SULT6B1: variants seen among roughly 807,000 people sequenced by gnomAD.
SULT6B1 encodes sulfotransferase family 6B member 1.
A neutral mutation model predicts 37.2 loss-of-function variants in SULT6B1; 44 were observed. The observed-to-expected ratio is 1.18, with a 90% CI of 0.93 to 1.52. SULT6B1 has a LOEUF of 1.52. SULT6B1 is among the 40% of genes most tolerant of loss of function. SULT6B1 has a pLI of 0.00. For synonymous variants in SULT6B1, 140 were observed against 126.0 expected (o/e 1.11, Z -0.74); for missense variants, 450 against 361.0 (o/e 1.25, Z -2.00).
chr2:37,191,589 G>T (rs576089695), upstream of SULT6B1, among the ~76,000 whole-genome samples: 17 of 152,334 alleles, frequency 1.1e-4, no homozygotes, highest in African/African-American at 3.8e-4. Flanking sequence ...CATTCAAGAA[G>T]AATGAGGTTA....
chr2:37,177,411 C>CAAAAAAAAAAAAAAAAAAAAAA (rs57205863), intron 4 of SULT6B1, among the ~76,000 whole-genome samples: 5 of 76,286 alleles, frequency 6.6e-5, no homozygotes, highest in Admixed American at 1.8e-4. Flanking sequence ...AATCTTGTCT[C>CAAAAAAAAAAAAAAAAAAAAAA]AAAAAAAAAA....
chr2:37,179,656 ATAT>A, intron 3 of SULT6B1, 72 bp from the exon 4 acceptor site: 1 of 1,347,160 alleles, frequency 7.4e-7, no homozygotes, highest in South Asian at 1.2e-5. Flanking sequence ...AGGGTGAGCA[ATAT>A]CATCATGTCC....
chr2:37,186,003 C>T (rs1676666069), intron 2 of SULT6B1, among the ~76,000 whole-genome samples: 1 of 152,130 alleles, frequency 6.6e-6, no homozygotes, highest in Admixed American at 6.5e-5. Context: ...AAATCCAGGG[C>T]TCGGCACTTA....
intron 1 of SULT6B1, among the ~76,000 whole-genome samples, chr2:37,195,582 T>C (rs922323101): frequency 2.0e-5 from 3 of 152,202 alleles, no homozygotes; most frequent in Non-Finnish European, 2.9e-5. Context: ...GCCCTTATCA[T>C]TGTGTACTTT....
intron 5 of SULT6B1, among the ~76,000 whole-genome samples, chr2:37,172,066 T>A (rs1346739532): frequency 1.5e-5 from 2 of 137,740 alleles, no homozygotes; most frequent in Non-Finnish European, 3.1e-5. Context: ...TTTTTTTTTT[T>A]AGACAGGGTC....
chr2:37,171,811 G>A (rs886535760), intron 5 of SULT6B1, among the ~76,000 whole-genome samples: 7 of 151,854 alleles, frequency 4.6e-5, no homozygotes, highest in Admixed American at 2.0e-4. Context: ...TATGACTCTT[G>A]TTGAACTTAC....
intron 6 of SULT6B1, among the ~76,000 whole-genome samples, chr2:37,170,244 A>T (rs1048563920): frequency 2.0e-5 from 3 of 149,254 alleles, no homozygotes; most frequent in Non-Finnish European, 3.0e-5. Flanking sequence ...GAATGGGTGG[A>T]TCACCTGAGG....
intron 2 of SULT6B1, among the ~76,000 whole-genome samples, chr2:37,184,476 T>C (rs1676626212): frequency 6.6e-6 from 1 of 152,208 alleles, no homozygotes; most frequent in African/African-American, 2.4e-5. Flanking sequence ...ATCAGACCAT[T>C]AGTATATGTT....
At chr2:37,189,501 T>C (rs532549929), upstream of SULT6B1, among the ~76,000 whole-genome samples, 1 of 152,330 alleles carries the variant, frequency 6.6e-6, no homozygotes, top group South Asian at 2.1e-4. Context: ...TAGGCCTTCA[T>C]AGGCTGGCCC....
chr2:37,190,644 G>A (rs901497708), upstream of SULT6B1, among the ~76,000 whole-genome samples: 12 of 152,184 alleles, frequency 7.9e-5, no homozygotes, highest in African/African-American at 2.7e-4. Flanking sequence ...CGGAGAGCCA[G>A]CAAACAGAGA....
intron 3 of SULT6B1, among the ~76,000 whole-genome samples, chr2:37,181,121 C>T (rs1676540315): frequency 6.6e-6 from 1 of 152,054 alleles, no homozygotes; most frequent in South Asian, 2.1e-4. Flanking sequence ...TAACTAACAC[C>T]AACAGGATAA....
chr2:37,191,974 G>T (rs369419817), upstream of SULT6B1, among the ~76,000 whole-genome samples: 7 of 152,176 alleles, frequency 4.6e-5, no homozygotes, highest in Non-Finnish European at 8.8e-5. Flanking sequence ...GTGGAAGCAG[G>T]TCGTGGCATG....
chr2:37,192,825 C>T (rs948795577), upstream of SULT6B1, among the ~76,000 whole-genome samples: 2 of 152,112 alleles, frequency 1.3e-5, no homozygotes, highest in Non-Finnish European at 2.9e-5. Flanking sequence ...TTAGGAGGCT[C>T]TTTGGGATTG....
intron 2 of SULT6B1, among the ~76,000 whole-genome samples, chr2:37,183,939 C>T (rs55920890): frequency 0.17 from 25,496 of 152,098 alleles, 2,285 homozygotes; most frequent in South Asian, 0.26. Context: ...CCACTGCACC[C>T]GGCCAATTTT....
intron 6 of SULT6B1, among the ~76,000 whole-genome samples, chr2:37,170,452 G>A (rs185592952): frequency 6.7e-6 from 1 of 150,074 alleles, no homozygotes; most frequent in Middle Eastern, 3.6e-3. Context: ...GGGCGACAGA[G>A]CAAGACTCTG....
intron 6 of SULT6B1, among the ~76,000 whole-genome samples, chr2:37,170,737 CAAAAAAA>C (rs10617061): frequency 3.2e-5 from 3 of 94,020 alleles, no homozygotes; most frequent in African/African-American, 1.2e-4. Context: ...GATTCTGTCT[CAAAAAAA>C]AAAAAAAAAA....
chr2:37,173,906 A>G (rs1219629264), intron 5 of SULT6B1, among the ~76,000 whole-genome samples: 1 of 152,196 alleles, frequency 6.6e-6, no homozygotes, highest in Admixed American at 6.5e-5. Flanking sequence ...TGTTAAAAAC[A>G]CATCTGCTCC....
At chr2:37,189,179 C>A (rs541285308), upstream of SULT6B1, among the ~76,000 whole-genome samples, 26 of 152,282 alleles carry the variant, frequency 1.7e-4, no homozygotes, top group African/African-American at 4.8e-4. Context: ...TGAGTTTGAA[C>A]CTTGACTCTA....
upstream of SULT6B1, among the ~76,000 whole-genome samples, chr2:37,193,306 A>AC (rs1309928505): frequency 6.6e-6 from 1 of 150,750 alleles, no homozygotes; most frequent in Non-Finnish European, 1.5e-5. Flanking sequence ...AAAAAAAAAA[A>AC]AAAAAAATTG....
Sources: allele counts gnomAD v4.1 joint callset (sites outside exome capture counted in the v4.1 genomes callset), GRCh38; gene constraint gnomAD v4.1.1; transcripts MANE v1.5; gene names NCBI Gene and HGNC (gene_info 2026-07-23, HGNC 2026-07-21).